Variants in ZFP64 observed in about 807,000 individuals in gnomAD.
ZFP64 encodes zinc finger protein 64.
In ZFP64, 14 loss-of-function variants were observed where a neutral mutation model predicts 51.6. The observed-to-expected ratio is 0.27, with a 90% CI of 0.18 to 0.42. ZFP64 has a LOEUF of 0.42. Ranked by LOEUF, ZFP64 falls within the 10% of genes least tolerant of loss-of-function variation. The pLI is 1.00. For synonymous variants in ZFP64, 375 were observed against 361.4 expected (o/e 1.04, Z -0.43); for missense variants, 754 against 906.8 (o/e 0.83, Z 2.16).
At chr20:52,112,906 C>T (rs143447053) in intron 5 of ZFP64, among the ~76,000 whole-genome samples, 2,170 of 152,156 alleles carry the variant, frequency 0.014, 44 homozygotes, top group African/African-American at 0.047. Context: ...CATGAGCCAC[C>T]GTGCCTGGCT....
At chr20:52,116,863 A>G (rs920070843) in intron 5 of ZFP64, among the ~76,000 whole-genome samples, 2 of 152,180 alleles carry the variant, frequency 1.3e-5, no homozygotes, top group African/African-American at 2.4e-5. Flanking sequence ...TGAGGTCAAG[A>G]GATCGAGACC....
downstream of ZFP64, among the ~76,000 whole-genome samples, chr20:52,148,509 T>C (rs1276119560): frequency 2.6e-5 from 4 of 152,200 alleles, no homozygotes; most frequent in Non-Finnish European, 4.4e-5. Context: ...AAGACGAGCA[T>C]GGCCAACATG....
chr20:52,154,742 T>C (rs1237701418), intron 5 of ZFP64, among the ~76,000 whole-genome samples: 1 of 152,124 alleles, frequency 6.6e-6, no homozygotes, highest in Non-Finnish European at 1.5e-5. Context: ...CTACAGCCTA[T>C]GGGCTAGATC....
intron 5 of ZFP64, chr20:52,105,152 G>A (rs1270404918): frequency 1.1e-5 from 16 of 1,445,388 alleles, no homozygotes; most frequent in Admixed American, 2.8e-5. Context: ...CGCCACCTGC[G>A]GGGCCACCTC....
intron 5 of ZFP64, among the ~76,000 whole-genome samples, chr20:52,127,900 C>T (rs1044467013): frequency 6.6e-6 from 1 of 152,170 alleles, no homozygotes; most frequent in Non-Finnish European, 1.5e-5. Context: ...CTGTGTAAGA[C>T]AGTTTTTGCT....
intron 5 of ZFP64, chr20:52,110,464 C>G (rs528345412): frequency 3.0e-6 from 2 of 657,252 alleles, no homozygotes; most frequent in Admixed American, 4.8e-5. Context: ...AGATCCATGT[C>G]ATCTCTATGC....
rs530121863 is a variant in ZFP64, at chr20:52,191,221, G to C, written c.46+370C>G. Among the ~76,000 whole-genome samples the C allele has an allele frequency of 6.6e-6, 1 of 152,172 alleles. No homozygotes were observed. The highest frequency in any genetic ancestry group is 1.5e-5 in the Non-Finnish European group (1 of 68,028). ...CTGAGGCAGAAGTTTTCCCATCAGT[G>C]TTGCCCCGTTTACCCTAGATTCCTC... is the stretch of plus-strand genomic sequence containing the variant. On this transcript the variant is annotated intron_variant, in intron 1 of 5. Transcript: ENST00000216923. This position sits in a 1 kb window ranked among gnomAD's most constrained non-coding sequence, Gnocchi z 4.3.
chr20:52,105,338 T>C (rs1039514900), intron 5 of ZFP64: 61 of 1,249,536 alleles, frequency 4.9e-5, no homozygotes, highest in Non-Finnish European at 6.0e-5. Context: ...GGAACGCGCA[T>C]GTCCCGGCAA....
Position 52,183,891 on chromosome 20 carries a change from T to C in ZFP64, c.286+2941A>G, listed in dbSNP as rs114113690. Among the ~76,000 whole-genome samples the C allele has an allele frequency of 3.3e-5, 5 of 152,314 alleles. 1 individual carries two copies. Among genetic ancestry groups the C allele is most frequent in the African/African-American group, 1.2e-4 (5 of 41,578 alleles). On this transcript the variant is annotated intron_variant, in intron 2 of 5. Coordinates refer to ENST00000216923, the MANE Select transcript of ZFP64 (RefSeq NM_018197.3). ...TTTTTTGAAATGGAATCTCACTCAC[T>C]CTGTTGCCCAGTGGGGAGTGCAGTG...
At chr20:52,175,927 G>A (rs1013888428) in intron 2 of ZFP64, 17 of 974,106 alleles carry the variant, frequency 1.7e-5, no homozygotes, top group African/African-American at 3.7e-5. Flanking sequence ...TTTCACTTAC[G>A]CTGTTCCCAA....
chr20:52,091,859 A>G (rs969083604), intron 7 of ZFP64, among the ~76,000 whole-genome samples: 2 of 116,940 alleles, frequency 1.7e-5, no homozygotes, highest in African/African-American at 5.3e-5. Context: ...ACGTGGTGGC[A>G]CATGCCTGTA....
Position 52,167,649 on chromosome 20 carries a change from A to G in ZFP64, c.287-1624T>C, listed in dbSNP as rs528241227. On this transcript the variant is annotated intron_variant, in intron 2 of 5. Coordinates refer to ENST00000216923, the MANE Select transcript of ZFP64 (RefSeq NM_018197.3). ...TTTGTCATATGAAGATTGGGTTTCA[A>G]ATAAGAAGTAAATATGACCAATGGA... Among the ~76,000 whole-genome samples, 22 of 152,062 alleles carry G rather than the reference A, an allele frequency of 1.4e-4. No individual in the cohort carries two copies. In the South Asian group the frequency reaches 4.4e-3, roughly 30 times the overall value.
intron 5 of ZFP64, among the ~76,000 whole-genome samples, chr20:52,117,358 CCTGT>C (rs1978929130): frequency 6.6e-6 from 1 of 152,122 alleles, no homozygotes; most frequent in Non-Finnish European, 1.5e-5. Flanking sequence ...GTGGCTCACA[CCTGT>C]AGTCCCAGCA....
intron 5 of ZFP64, among the ~76,000 whole-genome samples, chr20:52,109,097 A>G (rs777728903): frequency 2.6e-5 from 4 of 152,048 alleles, no homozygotes; most frequent in Non-Finnish European, 5.9e-5. Context: ...ACACATTACT[A>G]TATTGTACCT....
intron 5 of ZFP64, among the ~76,000 whole-genome samples, chr20:52,140,617 T>G (rs1160696086): frequency 6.6e-6 from 1 of 152,060 alleles, no homozygotes; most frequent in Non-Finnish European, 1.5e-5. Context: ...CTAGCAGAAG[T>G]TGGTTCAGGA....
downstream of ZFP64, among the ~76,000 whole-genome samples, chr20:52,150,236 T>C (rs1600755246): frequency 6.6e-6 from 1 of 150,868 alleles, no homozygotes; most frequent in Non-Finnish European, 1.5e-5. Flanking sequence ...AGGAAGTCCA[T>C]CAAAATGGTT....
At position 52,085,452 on chromosome 20, in the gene ZFP64, C is replaced by G. The variant is rs1442662973; in HGVS notation, c.1229-186G>C. On this transcript the variant is annotated intron_variant, in intron 8 of 8. Transcript: ENST00000361387. This position sits in a 1 kb window ranked among gnomAD's most constrained non-coding sequence, Gnocchi z 4.3. Reference sequence around the variant, plus strand: ...CTCACAACAATCCTATGAGTGGGTACTATTACCCCCACTTTACAGATGGGA... The same window carrying G: ...CTCACAACAATCCTATGAGTGGGTAGTATTACCCCCACTTTACAGATGGGA... 1.3e-5 allele frequency among the ~76,000 whole-genome samples: 2 copies of G among 152,164 alleles called. No individual in the cohort carries two copies. The highest frequency in any genetic ancestry group is 6.5e-5 in the Admixed American group (1 of 15,282).
At chr20:52,099,565 T>C (rs1234858451) in intron 5 of ZFP64, among the ~76,000 whole-genome samples, 2 of 152,216 alleles carry the variant, frequency 1.3e-5, no homozygotes, top group Admixed American at 1.3e-4. Context: ...TGGTAAGAAG[T>C]GTGCTCACTC....
rs530881906 is a variant in ZFP64 at position 52,158,776 on chromosome 20, C to T, written c.763+1347G>A. Among the ~76,000 whole-genome samples, 3 of 152,320 alleles carry T rather than the reference C, an allele frequency of 2.0e-5. No homozygotes were observed. The South Asian group carries it at 6.2e-4, about 32-fold the overall frequency. ...TGCATCCCCGACCTTTGCCATGTAA[C>T]ACTGTGATGACCTCTCACTGTCAGT... On this transcript the variant is annotated intron_variant, in intron 5 of 5. Coordinates refer to ENST00000216923, the MANE Select transcript of ZFP64 (RefSeq NM_018197.3).
Sources: allele counts gnomAD v4.1 joint callset (sites outside exome capture counted in the v4.1 genomes callset), GRCh38; gene constraint gnomAD v4.1.1; non-coding constraint Gnocchi (gnomAD v3.1); transcripts MANE v1.5; gene names NCBI Gene and HGNC (gene_info 2026-07-23, HGNC 2026-07-21).